The following NUP210L variants were observed in gnomAD, a reference collection of about 807,000 sequenced individuals.
NUP210L encodes nuclear pore membrane glycoprotein 210-like.
NUP210L carries 74 observed loss-of-function variants against 208.5 expected under a neutral mutation model. The observed-to-expected ratio is 0.35, with a 90% CI of 0.29 to 0.43. The LOEUF (loss-of-function observed/expected upper bound fraction) is 0.43, where lower values mean the gene tolerates loss of function less well. NUP210L is among the 20% of genes least tolerant of loss of function. The probability of loss-of-function intolerance (pLI) is 1.00; values close to 1 mark genes in which losing one functional copy is unlikely to be tolerated. For synonymous variants in NUP210L, 780 were observed against 816.9 expected (o/e 0.95, Z 0.77); for missense variants, 1,843 against 2,289.4 (o/e 0.81, Z 3.98).
intron 32 of NUP210L, among the ~76,000 whole-genome samples, chr1:154,020,377 G>A (rs1326794296): frequency 6.6e-6 from 1 of 151,954 alleles, no homozygotes; most frequent in Non-Finnish European, 1.5e-5. Context: ...TTTTTTTTGA[G>A]ACACAGCCTG....
At chr1:154,134,563 C>G (rs1329397966) in intron 7 of NUP210L, among the ~76,000 whole-genome samples, 1 of 150,372 alleles carries the variant, frequency 6.7e-6, no homozygotes, top group Non-Finnish European at 1.5e-5. Flanking sequence ...CAGTGAAACC[C>G]CGTCTCTACT....
At chr1:154,090,105 G>A (rs1655825530) in intron 15 of NUP210L, among the ~76,000 whole-genome samples, 1 of 151,816 alleles carries the variant, frequency 6.6e-6, no homozygotes, top group Non-Finnish European at 1.5e-5. Context: ...TTGACTGGGT[G>A]TGGTGATGTG....
At chr1:154,048,028 G>C (rs906025583) in intron 25 of NUP210L, among the ~76,000 whole-genome samples, 3 of 152,158 alleles carry the variant, frequency 2.0e-5, no homozygotes, top group Non-Finnish European at 2.9e-5. Context: ...GCTCTAGTTT[G>C]TTCCACCTTG....
At chr1:154,045,714 G>A (rs1433012795) in intron 27 of NUP210L, among the ~76,000 whole-genome samples, 6 of 152,170 alleles carry the variant, frequency 3.9e-5, no homozygotes, top group Non-Finnish European at 7.3e-5. Flanking sequence ...GAGCATGGTG[G>A]CTCACGCCTG....
intron 32 of NUP210L, among the ~76,000 whole-genome samples, chr1:154,020,289 T>C (rs1651481315): frequency 6.6e-6 from 1 of 152,248 alleles, no homozygotes; most frequent in African/African-American, 2.4e-5. Context: ...CCAGGCAGTG[T>C]ACACCACTTT....
At chr1:154,139,768 A>T (rs752408723) in intron 5 of NUP210L, 34 bp downstream of exon 5, 2 of 1,586,092 alleles carry the variant, frequency 1.3e-6, no homozygotes, top group Admixed American at 1.7e-5. Context: ...TGAAAAAACA[A>T]GTAAGGAAAA....
chr1:154,153,562 G>A lies in NUP210L; in HGVS notation c.204-690C>T, dbSNP rs138716291. Reference sequence around the variant, plus strand: ...TGACTTCAAGTGATCTGCCTGCCCCGGCCTCCCAAAGTGCTGGGATTACAG... The same window carrying A: ...TGACTTCAAGTGATCTGCCTGCCCCAGCCTCCCAAAGTGCTGGGATTACAG... On this transcript the variant is annotated intron_variant, in intron 1 of 39. Transcript: ENST00000368559. Among the ~76,000 whole-genome samples the A allele has an allele frequency of 3.2e-3, 483 of 152,188 alleles. 2 individuals carry two copies. Among genetic ancestry groups the A allele is most frequent in the African/African-American group, 0.011 (445 of 41,524 alleles).
At chr1:154,037,833 G>A in intron 27 of NUP210L, among the ~76,000 whole-genome samples, 1 of 152,066 alleles carries the variant, frequency 6.6e-6, no homozygotes, top group East Asian at 1.9e-4. Flanking sequence ...GGCAAGGCTT[G>A]TCTCGAACTC....
rs1571320811 is a variant in NUP210L, at chr1:154,139,740, C to G, written c.717+62G>C. On this transcript the variant is annotated intron_variant, in intron 5 of 39. Coordinates refer to ENST00000368559, the Ensembl canonical transcript of NUP210L. ...GTGCATTCTTGTAGTACCTGGGCAACAGAGTTAGACCATATCTTGAAAAAA... is the reference window on the plus strand; with the variant it reads ...GTGCATTCTTGTAGTACCTGGGCAAGAGAGTTAGACCATATCTTGAAAAAA... The G allele has an allele frequency of 6.4e-6, 8 of 1,249,518 alleles. No homozygotes were observed. The East Asian group carries it at 2.1e-4, about 33-fold the overall frequency. The allele number at this position is 1,249,518 out of a possible 1,614,324, so 77.4% of individuals were successfully genotyped here.
intron 20 of NUP210L, among the ~76,000 whole-genome samples, chr1:154,060,219 A>G (rs1021301927): frequency 6.6e-6 from 1 of 152,196 alleles, no homozygotes; most frequent in African/African-American, 2.4e-5. Flanking sequence ...AGCCCAGGCA[A>G]CAGAGCGAGA....
chr1:154,149,915 G>A (rs1365746762), intron 2 of NUP210L, among the ~76,000 whole-genome samples: 2 of 152,132 alleles, frequency 1.3e-5, no homozygotes, highest in Non-Finnish European at 2.9e-5. Context: ...CATCTGCCCT[G>A]TGAACTTTTT....
intron 2 of NUP210L, among the ~76,000 whole-genome samples, chr1:154,143,876 A>C (rs548313609): frequency 9.9e-5 from 15 of 152,282 alleles, no homozygotes; most frequent in African/African-American, 3.6e-4. Context: ...ATAACAAATA[A>C]AAATTTTAAA....
chr1:154,058,226 A>G lies in NUP210L; in HGVS notation c.2980-10T>C. 1 of 1,612,920 alleles carries G rather than the reference A, an allele frequency of 6.2e-7. No homozygotes were observed. Among genetic ancestry groups the G allele is most frequent in the South Asian group, 1.1e-5 (1 of 90,872 alleles). On this transcript the variant is annotated splice_polypyrimidine_tract_variant and intron_variant, in intron 21 of 39. Transcript: ENST00000368559. ...TTTTGTCTATTTCAACCTAGTAGTT[A>G]AAAAGAAAAAGATTTTAGCAAAGGT... is the stretch of plus-strand genomic sequence containing the variant.
intron 28 of NUP210L, among the ~76,000 whole-genome samples, chr1:154,029,027 G>A (rs1428572043): frequency 1.3e-5 from 2 of 151,352 alleles, no homozygotes; most frequent in African/African-American, 4.9e-5. Flanking sequence ...ACGCTGCAGT[G>A]AGTGGAGATT....
chr1:154,016,530 C>G (rs1454494984), intron 33 of NUP210L, among the ~76,000 whole-genome samples: 1 of 151,990 alleles, frequency 6.6e-6, no homozygotes, highest in African/African-American at 2.4e-5. Flanking sequence ...TCCCAATCCA[C>G]TATTTCTCTC....
At chr1:154,100,107 G>T in exon 14 of NUP210L, 1 of 1,614,032 alleles carries the variant, frequency 6.2e-7, no homozygotes, top group Non-Finnish European at 8.5e-7. Context: ...TGCGATATGT[G>T]TACTGGAACA....
At chr1:154,021,585 G>A (rs1336629626) in intron 32 of NUP210L, among the ~76,000 whole-genome samples, 1 of 152,018 alleles carries the variant, frequency 6.6e-6, no homozygotes, top group Non-Finnish European at 1.5e-5. Flanking sequence ...GCCTTCAAAT[G>A]TGCCTCACAA....
intron 10 of NUP210L, among the ~76,000 whole-genome samples, chr1:154,122,352 G>A (rs893410463): frequency 2.0e-5 from 3 of 152,092 alleles, no homozygotes; most frequent in African/African-American, 7.2e-5. Context: ...CCATTAGGAT[G>A]GCTATTATTT....
rs185908847 is a variant in NUP210L at position 154,114,681 on chromosome 1, G to A, written c.1620+3044C>T. ...TGCAGAGGCGTGATCATAGTTCACC[G>A]CAACCTCAAACTCCTGGCCTCAAGC... On this transcript the variant is annotated intron_variant, in intron 12 of 39. Transcript: ENST00000368559. Among the ~76,000 whole-genome samples, 248 of 151,758 alleles carry A rather than the reference G, an allele frequency of 1.6e-3. 1 individual carries two copies. Among genetic ancestry groups the A allele is most frequent in the African/African-American group, 5.8e-3 (239 of 41,368 alleles).
Sources: allele counts gnomAD v4.1 joint callset (sites outside exome capture counted in the v4.1 genomes callset), GRCh38; gene constraint gnomAD v4.1.1; transcripts MANE v1.5; gene names NCBI Gene and HGNC (gene_info 2026-07-23, HGNC 2026-07-21).